MDGA2: variants seen among roughly 807,000 people sequenced by gnomAD.
MDGA2 encodes MAM domain containing glycosylphosphatidylinositol anchor 2, also known as MAM domain-containing glycosylphosphatidylinositol anchor protein 2.
A neutral mutation model predicts 117.8 loss-of-function variants in MDGA2; 40 were observed. That is an observed-to-expected ratio of 0.34 (90% CI 0.26 to 0.44). MDGA2 has a LOEUF of 0.44. Among genes scored for constraint, MDGA2 ranks in the 20% least tolerant of loss-of-function variants. MDGA2 has a pLI of 1.00. For missense variants in MDGA2, 1,123 were observed against 1,250.6 expected (o/e 0.90, Z 1.54); for synonymous variants, 452 against 439.0 (o/e 1.03, Z -0.37).
chr14:47,433,022 G>C (rs1172003510), intron 1 of MDGA2, among the ~76,000 whole-genome samples: 1 of 152,010 alleles, frequency 6.6e-6, no homozygotes, highest in Non-Finnish European at 1.5e-5. Flanking sequence ...TCCAGGAGCT[G>C]TCCCTGTGGT....
chr14:47,467,763 A>T (rs1893634195), intron 1 of MDGA2, among the ~76,000 whole-genome samples: 1 of 152,160 alleles, frequency 6.6e-6, no homozygotes, highest in South Asian at 2.1e-4. Flanking sequence ...GTGTGTGTTT[A>T]AAACAGAGCC....
intron 3 of MDGA2, among the ~76,000 whole-genome samples, chr14:47,189,378 C>A (rs533736848): frequency 6.6e-6 from 1 of 152,050 alleles, no homozygotes; most frequent in Non-Finnish European, 1.5e-5. Flanking sequence ...AGTGACTTGA[C>A]AAGAAACCAT....
At chr14:47,153,712 A>AT (rs1196078886) in intron 3 of MDGA2, among the ~76,000 whole-genome samples, 22 of 151,670 alleles carry the variant, frequency 1.5e-4, no homozygotes, top group African/African-American at 5.3e-4. Context: ...AAAGAAATAA[A>AT]AAAAAAAAAA....
rs538106612 is a variant in MDGA2 at position 47,166,176 on chromosome 14, C to CAG, written c.596-21904_596-21903dup. On this transcript the variant is annotated intron_variant, in intron 3 of 16. Coordinates refer to ENST00000399232, the MANE Select transcript of MDGA2 (RefSeq NM_001113498.3). ...TCAGCCTCCCGAGTAGCTGGGACTA[C>CAG]AGATGCATGCCACCAGGCCCGGCTA... Among the ~76,000 whole-genome samples, 16 of 151,924 alleles carry CAG rather than the reference C, an allele frequency of 1.1e-4. No homozygotes were observed. In the South Asian group the frequency reaches 3.3e-3, roughly 32 times the overall value.
intron 1 of MDGA2, among the ~76,000 whole-genome samples, chr14:47,594,089 G>T (rs564815885): frequency 6.6e-6 from 1 of 152,048 alleles, no homozygotes; most frequent in African/African-American, 2.4e-5. Context: ...ATCAATCAGC[G>T]CACTTTTCTC....
intron 1 of MDGA2, among the ~76,000 whole-genome samples, chr14:47,541,675 G>A (rs941550013): frequency 6.6e-6 from 1 of 152,302 alleles, no homozygotes; most frequent in Non-Finnish European, 1.5e-5. Flanking sequence ...TTGAATTATA[G>A]TTTTACCTCT....
chr14:47,160,164 A>T (rs1883573500), intron 3 of MDGA2, among the ~76,000 whole-genome samples: 1 of 152,188 alleles, frequency 6.6e-6, no homozygotes, highest in African/African-American at 2.4e-5. Flanking sequence ...TTAAAGTTTC[A>T]CATGTTAGGA....
intron 10 of MDGA2, among the ~76,000 whole-genome samples, chr14:46,907,429 T>C (rs1883542102): frequency 5.3e-5 from 8 of 152,204 alleles, no homozygotes; most frequent in Admixed American, 5.2e-4. Context: ...ACCTCTATAT[T>C]ATTCTAATGA....
intron 6 of MDGA2, among the ~76,000 whole-genome samples, chr14:47,074,082 C>G (rs972526930): frequency 1.3e-5 from 2 of 151,872 alleles, no homozygotes; most frequent in African/African-American, 2.4e-5. Context: ...ATTAAATTAG[C>G]ATGATCATAA....
Position 47,586,072 on chromosome 14 carries a change from A to G in MDGA2, c.280+88445T>C, listed in dbSNP as rs1005940226. ...CAGAACGGGAAAGGAGGTATATTGG[A>G]CAGATGTAAATAGTATTTATTATTT... is the stretch of plus-strand genomic sequence containing the variant. On this transcript the variant is annotated intron_variant, in intron 1 of 16. Coordinates refer to ENST00000399232, the MANE Select transcript of MDGA2 (RefSeq NM_001113498.3). Among the ~76,000 whole-genome samples, 12 of 152,050 alleles carry G rather than the reference A, an allele frequency of 7.9e-5. No individual in the cohort carries two copies. In the East Asian group the frequency reaches 2.3e-3, roughly 29 times the overall value.
chr14:47,052,512 AT>A (rs1371136150), intron 7 of MDGA2, among the ~76,000 whole-genome samples: 1 of 151,908 alleles, frequency 6.6e-6, no homozygotes, highest in Non-Finnish European at 1.5e-5. Flanking sequence ...AGTAATACAG[AT>A]TCAATTTTAT....
chr14:47,083,928 A>C (rs1890799428), intron 6 of MDGA2, among the ~76,000 whole-genome samples: 1 of 152,120 alleles, frequency 6.6e-6, no homozygotes, highest in Non-Finnish European at 1.5e-5. Flanking sequence ...AAAATATGTG[A>C]AGCAAAAACA....
At chr14:47,380,152 A>C (rs1185732291) in intron 1 of MDGA2, among the ~76,000 whole-genome samples, 2 of 152,218 alleles carry the variant, frequency 1.3e-5, no homozygotes, top group African/African-American at 4.8e-5. Flanking sequence ...GGCAGAAATA[A>C]AGATGTTCTT....
At chr14:47,367,188 A>G (rs904889398) in intron 1 of MDGA2, among the ~76,000 whole-genome samples, 1 of 152,222 alleles carries the variant, frequency 6.6e-6, no homozygotes, top group Non-Finnish European at 1.5e-5. Context: ...GTAATCCATT[A>G]ACTCTTATGA....
chr14:47,592,839 T>C (rs1020078683), intron 1 of MDGA2, among the ~76,000 whole-genome samples: 6 of 152,218 alleles, frequency 3.9e-5, no homozygotes, highest in African/African-American at 1.4e-4. Flanking sequence ...AAAGATTTCA[T>C]GACGAAAATG....
At chr14:47,301,294 CCCACACA>C (rs753790395) in intron 2 of MDGA2, 110 bp downstream of exon 2, 311 of 1,018,730 alleles carry the variant, frequency 3.1e-4, no homozygotes, top group Non-Finnish European at 3.3e-4. Flanking sequence ...CCCACACCCA[CCCACACA>C]CACACACACA....
intron 1 of MDGA2, among the ~76,000 whole-genome samples, chr14:47,487,859 A>G (rs2138647218): frequency 6.6e-6 from 1 of 152,158 alleles, no homozygotes; most frequent in East Asian, 1.9e-4. Flanking sequence ...GTCCATTATA[A>G]CAAGTCTATA....
At chr14:47,673,923 C>T (rs888370234) in intron 1 of MDGA2, among the ~76,000 whole-genome samples, 3 of 151,980 alleles carry the variant, frequency 2.0e-5, no homozygotes, top group African/African-American at 4.8e-5. Flanking sequence ...ACAAACATGT[C>T]CCTTAATTGT....
intron 9 of MDGA2, among the ~76,000 whole-genome samples, chr14:46,924,987 G>A (rs1368009437): frequency 6.6e-6 from 1 of 152,184 alleles, no homozygotes; most frequent in African/African-American, 2.4e-5. Context: ...AAGAAGAGAA[G>A]TTGGTAATGA....
Sources: gnomAD v4.1 joint callset for allele counts (sites outside exome capture counted in the v4.1 genomes callset) on GRCh38, gnomAD v4.1.1 for gene constraint, MANE v1.5 for transcripts, NCBI Gene and HGNC (gene_info 2026-07-23, HGNC 2026-07-21) for gene names.